The following PTPRN2 variants were observed in gnomAD, a reference collection of about 807,000 sequenced individuals.
PTPRN2 encodes the protein protein tyrosine phosphatase receptor type N2.
PTPRN2 carries 74 observed loss-of-function variants against 118.8 expected under a neutral mutation model. The observed-to-expected ratio is 0.62, with a 90% CI of 0.52 to 0.76. The LOEUF (loss-of-function observed/expected upper bound fraction) is 0.76, where lower values mean the gene tolerates loss of function less well. PTPRN2 is among the 30% of genes least tolerant of loss of function. PTPRN2 has a pLI of 0.00. For synonymous variants in PTPRN2, 641 were observed against 608.0 expected, an observed-to-expected ratio of 1.05 and a Z score of -0.80; for missense variants, 1,481 against 1,394.4, an observed-to-expected ratio of 1.06 and a Z score of -0.99.
chr7:158,521,608 C>CGGGTACTGGCTCAGGAGGG (rs1586854964), intron 1 of PTPRN2, among the ~76,000 whole-genome samples: 1 of 122,212 alleles, frequency 8.2e-6, no homozygotes, highest in Non-Finnish European at 1.8e-5. Context: ...GTGGACTGTC[C>CGGGTACTGGCTCAGGAGGG]AGGTAGTGGC....
intron 12 of PTPRN2, among the ~76,000 whole-genome samples, chr7:157,880,975 T>A (rs1796075601): frequency 6.6e-6 from 1 of 152,210 alleles, no homozygotes; most frequent in South Asian, 2.1e-4. Flanking sequence ...CTGAATTGAG[T>A]CTCTCCAAAG....
chr7:158,212,452 G>A (rs1378559107), intron 3 of PTPRN2, among the ~76,000 whole-genome samples: 1 of 152,080 alleles, frequency 6.6e-6, no homozygotes, highest in Non-Finnish European at 1.5e-5. Flanking sequence ...ACCCTGACGT[G>A]ATTATTATGC....
chr7:158,275,985 C>T (rs185230857), intron 3 of PTPRN2, among the ~76,000 whole-genome samples: 304 of 152,284 alleles, frequency 2.0e-3, no homozygotes, highest in African/African-American at 6.8e-3. Flanking sequence ...TCAGCATCCC[C>T]GCCGCCTTAC....
At chr7:157,751,553 G>A (rs1446576963) in intron 12 of PTPRN2, among the ~76,000 whole-genome samples, 1 of 152,082 alleles carries the variant, frequency 6.6e-6, no homozygotes, top group East Asian at 1.9e-4. Flanking sequence ...CCTCGGCGTG[G>A]GAGGGTCTTT....
intron 11 of PTPRN2, among the ~76,000 whole-genome samples, chr7:157,996,641 C>G (rs1357246055): frequency 6.6e-6 from 1 of 152,206 alleles, no homozygotes. Context: ...TGGACAAGCC[C>G]TTAACTGAGA....
chr7:157,708,189 C>A (rs1798427792), intron 12 of PTPRN2, among the ~76,000 whole-genome samples: 1 of 152,226 alleles, frequency 6.6e-6, no homozygotes, highest in African/African-American at 2.4e-5. Context: ...TCTGATTCTG[C>A]CCCGTGCCGT....
chr7:158,327,237 C>T (rs920858686), intron 2 of PTPRN2, among the ~76,000 whole-genome samples: 3 of 149,474 alleles, frequency 2.0e-5, no homozygotes, highest in Non-Finnish European at 3.0e-5. Context: ...ATTCTCATAT[C>T]CACATACATG....
At chr7:158,483,090 C>T (rs943836386) in intron 2 of PTPRN2, among the ~76,000 whole-genome samples, 5 of 152,198 alleles carry the variant, frequency 3.3e-5, no homozygotes, top group African/African-American at 1.2e-4. Context: ...CTTTGCCCTC[C>T]GATCACACTT....
intron 11 of PTPRN2, among the ~76,000 whole-genome samples, chr7:157,992,830 A>G (rs1804348430): frequency 6.6e-6 from 1 of 152,254 alleles, no homozygotes; most frequent in Non-Finnish European, 1.5e-5. Context: ...ATGCGATGGG[A>G]AGACCTTTTG....
At chr7:158,418,731 T>C (rs1188627462) in intron 2 of PTPRN2, among the ~76,000 whole-genome samples, 1 of 152,006 alleles carries the variant, frequency 6.6e-6, no homozygotes, top group Admixed American at 6.6e-5. Flanking sequence ...CTGTGTTAAG[T>C]CACGGTGTAC....
At chr7:158,497,509 A>G (rs896682423) in intron 1 of PTPRN2, among the ~76,000 whole-genome samples, 2 of 152,048 alleles carry the variant, frequency 1.3e-5, no homozygotes, top group Non-Finnish European at 2.9e-5. Flanking sequence ...ACATGGCTGC[A>G]TTCCTCGCAG....
intron 11 of PTPRN2, among the ~76,000 whole-genome samples, chr7:158,011,665 C>T (rs1043711774): frequency 6.6e-6 from 1 of 152,144 alleles, no homozygotes; most frequent in African/African-American, 2.4e-5. Context: ...ATTTTGTCCC[C>T]TCTGTGGTTT....
chr7:158,194,755 T>A (rs1223692519), intron 4 of PTPRN2, among the ~76,000 whole-genome samples: 1 of 152,176 alleles, frequency 6.6e-6, no homozygotes, highest in Non-Finnish European at 1.5e-5. Flanking sequence ...AACATCTAAG[T>A]CTAGATCCTC....
chr7:158,110,824 C>A lies in PTPRN2; in HGVS notation c.1643+5G>T, dbSNP rs759042525. On this transcript the variant is annotated splice_donor_5th_base_variant and intron_variant, in intron 10 of 22. Coordinates refer to ENST00000389418, the MANE Select transcript of PTPRN2 (RefSeq NM_002847.5). ...CAAACAGAAACCCCAGGGCCCCGTA[C>A]TTACTCCACGTCAGCGAACGCACTG... 4 of 1,578,980 alleles carry A rather than the reference C, an allele frequency of 2.5e-6. No individual in the cohort carries two copies. Among genetic ancestry groups the A allele is most frequent in the East Asian group, 4.6e-5 (2 of 43,370 alleles).
chr7:157,972,267 C>T (rs940648719), intron 11 of PTPRN2, among the ~76,000 whole-genome samples: 3 of 152,230 alleles, frequency 2.0e-5, no homozygotes, highest in Non-Finnish European at 4.4e-5. Context: ...TGTGTTTTTT[C>T]TCCACTGGTT....
intron 11 of PTPRN2, among the ~76,000 whole-genome samples, chr7:157,909,577 C>CGGGACGCCCCGGCCAGCTCCTGCCTCA (rs1797968792): frequency 6.6e-6 from 1 of 152,246 alleles, no homozygotes; most frequent in Non-Finnish European, 1.5e-5. Flanking sequence ...CCCTTCAGCG[C>CGGGACGCCCCGGCCAGCTCCTGCCTCA]GGGACGCCCC....
intron 13 of PTPRN2, among the ~76,000 whole-genome samples, chr7:157,666,504 A>G (rs13235419): frequency 0.43 from 56,171 of 131,392 alleles, 11,614 homozygotes; most frequent in Non-Finnish European, 0.52. Flanking sequence ...AGTGTGTTAG[A>G]AAAAAAAAAA....
chr7:157,540,673 C>A lies in PTPRN2; in HGVS notation c.*41G>T, dbSNP rs200348201. ...GTCAGATCATGATTCCTGACAACATCCGTGGGGTGGGGGCTCCCCTGAGGC... is the reference window on the plus strand; with the variant it reads ...GTCAGATCATGATTCCTGACAACATACGTGGGGTGGGGGCTCCCCTGAGGC... On this transcript the variant is annotated 3_prime_UTR_variant, in exon 23 of 23. Coordinates refer to ENST00000389418, the MANE Select transcript of PTPRN2 (RefSeq NM_002847.5). 23 of 1,458,712 alleles carry A rather than the reference C, an allele frequency of 1.6e-5. No individual in the cohort carries two copies. The East Asian group carries it at 4.9e-4, about 31-fold the overall frequency. 90.4% of individuals were successfully genotyped at this position (1,458,712 alleles called of 1,614,324 possible). A position where few individuals can be genotyped will look rare whatever the true frequency, so the allele number is the denominator to read the frequency against.
At position 158,377,566 on chromosome 7, in the gene PTPRN2, T is replaced by C. The variant is rs113436125; in HGVS notation, c.164-60634A>G. On this transcript the variant is annotated intron_variant, in intron 2 of 22. Transcript: ENST00000389418. ...GCTAGGGAGGAGGCAGGCAACTGGCTGGCTCGGCTTGGGGGTGGAAATGCA... is the reference window on the plus strand; with the variant it reads ...GCTAGGGAGGAGGCAGGCAACTGGCCGGCTCGGCTTGGGGGTGGAAATGCA... Among the ~76,000 whole-genome samples the C allele has an allele frequency of 7.2e-3, 1,089 of 152,180 alleles. 10 individuals are homozygous for C. Among genetic ancestry groups the C allele is most frequent in the African/African-American group, 0.025 (1,038 of 41,518 alleles).
Sources: allele counts gnomAD v4.1 joint callset (sites outside exome capture counted in the v4.1 genomes callset), GRCh38; gene constraint gnomAD v4.1.1; transcripts MANE v1.5; gene names NCBI Gene and HGNC (gene_info 2026-07-23, HGNC 2026-07-21).